Variants in SLC10A1 observed in about 807,000 individuals in gnomAD.
The protein encoded by SLC10A1 is solute carrier family 10 member 1.
Under a neutral mutation model 20.5 loss-of-function variants are expected in SLC10A1, and 36 were observed. That is an observed-to-expected ratio of 1.75 (90% confidence interval 1.34 to 2.32). The LOEUF (loss-of-function observed/expected upper bound fraction) is 2.32, where lower values mean the gene tolerates loss of function less well. Ranked by LOEUF, SLC10A1 falls within the 30% of genes most tolerant of loss-of-function variation. SLC10A1 has a pLI of 0.00. For missense variants in SLC10A1, 545 were observed against 439.1 expected (o/e 1.24, Z -2.16); for synonymous variants, 188 against 163.6 (o/e 1.15, Z -1.14).
intron 2 of SLC10A1, among the ~76,000 whole-genome samples, chr14:69,780,075 T>G (rs894947951): frequency 2.0e-5 from 3 of 152,204 alleles, no homozygotes; most frequent in African/African-American, 7.2e-5. Context: ...CCCAAAATGA[T>G]GTCTAATAAT....
intron 1 of SLC10A1, among the ~76,000 whole-genome samples, chr14:69,792,800 T>C (rs1882305645): frequency 2.1e-5 from 3 of 142,448 alleles, no homozygotes; most frequent in African/African-American, 7.9e-5. Context: ...TTCAGATACA[T>C]GAGGTAGCTA....
At chr14:69,792,727 A>G (rs1357519268) in intron 1 of SLC10A1, among the ~76,000 whole-genome samples, 4 of 152,116 alleles carry the variant, frequency 2.6e-5, no homozygotes, top group African/African-American at 7.2e-5. Flanking sequence ...CAGAAGCGAG[A>G]CGTAAAATCC....
intron 4 of SLC10A1, among the ~76,000 whole-genome samples, chr14:69,777,085 T>C (rs538613088): frequency 6.6e-6 from 1 of 152,318 alleles, no homozygotes; most frequent in South Asian, 2.1e-4. Context: ...AGTATTGTCC[T>C]TTGAGGTCAC....
At chr14:69,782,603 C>T (rs972124398) in intron 2 of SLC10A1, among the ~76,000 whole-genome samples, 3 of 152,046 alleles carry the variant, frequency 2.0e-5, no homozygotes, top group South Asian at 2.1e-4. Flanking sequence ...GTCGGGAGAT[C>T]GGGACCATCC....
At position 69,785,900 on chromosome 14, in the gene SLC10A1, C is replaced by T. The variant is rs79271152; in HGVS notation, c.567+197G>A. 5.4e-3 allele frequency among the ~76,000 whole-genome samples: 825 copies of T among 152,074 alleles called. 3 individuals carry two copies. Among genetic ancestry groups the T allele is most frequent in the African/African-American group, 0.019 (772 of 41,466 alleles). ...TTGGGATTATAAGCGTGAGCCACCACGCCAGCCTCATGTGTTACTTCACTT... is the reference window on the plus strand; with the variant it reads ...TTGGGATTATAAGCGTGAGCCACCATGCCAGCCTCATGTGTTACTTCACTT... On this transcript the variant is annotated intron_variant, in intron 2 of 4. Coordinates refer to ENST00000216540, the MANE Select transcript of SLC10A1 (RefSeq NM_003049.4).
chr14:69,784,731 G>A (rs1883672242), intron 2 of SLC10A1, among the ~76,000 whole-genome samples: 1 of 151,648 alleles, frequency 6.6e-6, no homozygotes, highest in South Asian at 2.1e-4. Flanking sequence ...ATGAGAGAGA[G>A]GGGAGGCTGC....
chr14:69,796,567 C>T (rs1882389300), intron 1 of SLC10A1, among the ~76,000 whole-genome samples: 1 of 152,226 alleles, frequency 6.6e-6, no homozygotes, highest in Non-Finnish European at 1.5e-5. Context: ...TCACCACGAG[C>T]TTCCTGGACC....
At chr14:69,785,997 G>T (rs1271374615) in intron 2 of SLC10A1, 100 bp downstream of exon 2, 4 of 820,646 alleles carry the variant, frequency 4.9e-6, no homozygotes, top group African/African-American at 1.7e-5. Flanking sequence ...TCTAGTAGGA[G>T]CATATGTATG....
chr14:69,779,980 G>T (rs1380077840), intron 2 of SLC10A1, among the ~76,000 whole-genome samples: 2 of 152,112 alleles, frequency 1.3e-5, no homozygotes, highest in East Asian at 3.8e-4. Flanking sequence ...TCCATTTTAG[G>T]ATCAATTCTG....
intron 2 of SLC10A1, among the ~76,000 whole-genome samples, chr14:69,784,034 G>C (rs1301095306): frequency 6.6e-6 from 1 of 152,192 alleles, no homozygotes; most frequent in Non-Finnish European, 1.5e-5. Context: ...GGATTCTGGA[G>C]TGAGGATAGA....
In SLC10A1 at chr14:69,775,448, CA is replaced by C. The variant is rs1206210668; in HGVS notation, c.*833del. On this transcript the variant is annotated 3_prime_UTR_variant, in exon 5 of 5. Coordinates refer to ENST00000216540, the MANE Select transcript of SLC10A1 (RefSeq NM_003049.4). Reference sequence around the variant, plus strand: ...CAAAATGTTTAAATTTTATTAGAGACAATTTGAAATTTGTGAATTCTAGGTA... The same window carrying C: ...CAAAATGTTTAAATTTTATTAGAGACATTTGAAATTTGTGAATTCTAGGTA... The C allele has an allele frequency of 2.0e-5, 3 of 152,076 alleles. No individual in the cohort carries two copies. The highest frequency in any genetic ancestry group is 4.4e-5 in the Non-Finnish European group (3 of 68,018). The allele number at this position is 152,076 out of a possible 1,614,324, so 9.4% of individuals were successfully genotyped here. A position where few individuals can be genotyped will look rare whatever the true frequency, so the allele number is the denominator to read the frequency against.
chr14:69,787,002 A>G (rs1032234894), intron 1 of SLC10A1, among the ~76,000 whole-genome samples: 6 of 152,220 alleles, frequency 3.9e-5, no homozygotes, highest in Admixed American at 3.3e-4. Context: ...GTGAAGCAGT[A>G]AGAAACAGAA....
At chr14:69,786,711 A>G (rs1186318026) in intron 1 of SLC10A1, among the ~76,000 whole-genome samples, 1 of 152,232 alleles carries the variant, frequency 6.6e-6, no homozygotes, top group African/African-American at 2.4e-5. Context: ...TCTGGTCATT[A>G]GCCCATTGGA....
intron 2 of SLC10A1, among the ~76,000 whole-genome samples, chr14:69,780,180 T>A (rs926178019): frequency 6.6e-5 from 10 of 152,230 alleles, no homozygotes; most frequent in Non-Finnish European, 1.5e-5. Flanking sequence ...GATAACAACA[T>A]CATTGGAAAC....
At chr14:69,778,142 T>C (rs1196390911) in intron 4 of SLC10A1, among the ~76,000 whole-genome samples, 191 bp downstream of exon 4, 1 of 152,110 alleles carries the variant, frequency 6.6e-6, no homozygotes, top group African/African-American at 2.4e-5. Context: ...AAGGAAGAAA[T>C]GGAGTGCAGT....
intron 4 of SLC10A1, among the ~76,000 whole-genome samples, chr14:69,777,096 T>G (rs9323529): frequency 0.095 from 14,410 of 152,256 alleles, 2,118 homozygotes; most frequent in African/African-American, 0.31. Context: ...TTGAGGTCAC[T>G]TCAGGTCTTT....
chr14:69,791,624 G>C (rs2139721224), intron 1 of SLC10A1, among the ~76,000 whole-genome samples: 1 of 152,244 alleles, frequency 6.6e-6, no homozygotes, highest in South Asian at 2.1e-4. Context: ...ACAAAGTAGG[G>C]GGACTTAACT....
At chr14:69,782,665 G>A (rs1419891367) in intron 2 of SLC10A1, among the ~76,000 whole-genome samples, 1 of 152,118 alleles carries the variant, frequency 6.6e-6, no homozygotes. Flanking sequence ...AAAATTATCC[G>A]GGTATGGTGG....
chr14:69,791,331 C>T (rs1410469821), intron 1 of SLC10A1, among the ~76,000 whole-genome samples: 4 of 150,644 alleles, frequency 2.7e-5, no homozygotes, highest in African/African-American at 7.3e-5. Flanking sequence ...GACAGAGTCT[C>T]GCTCTGTCAC....
Sources: gnomAD v4.1 joint callset for allele counts (sites outside exome capture counted in the v4.1 genomes callset) on GRCh38, gnomAD v4.1.1 for gene constraint, MANE v1.5 for transcripts, NCBI Gene and HGNC (gene_info 2026-07-23, HGNC 2026-07-21) for gene names.